Variants in TLE3 observed in about 807,000 individuals in gnomAD.
TLE3 encodes transducin-like enhancer protein 3.
A neutral mutation model predicts 93.0 loss-of-function variants in TLE3; 14 were observed. The ratio of observed to expected loss-of-function variants is 0.15; its 90% CI spans 0.10 to 0.24. The LOEUF (loss-of-function observed/expected upper bound fraction) is 0.24, where lower values mean the gene tolerates loss of function less well. Among genes scored for constraint, TLE3 ranks in the 10% least tolerant of loss-of-function variants. TLE3 has a pLI of 1.00. For missense variants in TLE3, 693 were observed against 1,046.6 expected, an observed-to-expected ratio of 0.66 and a Z score of 4.66; for synonymous variants, 451 against 425.0, an observed-to-expected ratio of 1.06 and a Z score of -0.75.
intron 1 of TLE3, chr15:70,096,551 G>C: frequency 1.4e-6 from 2 of 1,419,030 alleles, no homozygotes; most frequent in Non-Finnish European, 1.9e-6. Context: ...CGGGGACCGC[G>C]TGAACAGCTC....
chr15:70,077,019 A>T (rs930402228), intron 4 of TLE3, among the ~76,000 whole-genome samples: 1 of 152,178 alleles, frequency 6.6e-6, no homozygotes, highest in African/African-American at 2.4e-5. Flanking sequence ...TGCCCAGCCA[A>T]CACTTCATTT....
chr15:70,058,111 C>T lies in TLE3; in HGVS notation c.1051+48G>A, dbSNP rs368504717. 458 of 1,613,076 alleles carry T rather than the reference C, an allele frequency of 2.8e-4. No homozygotes were observed. The highest frequency in any genetic ancestry group is 3.5e-4 in the Non-Finnish European group (413 of 1,179,564). Reference sequence around the variant, plus strand: ...CCCTGCCCTGGCCAAGAGCAGACCCCCTCCCCCCAATCAGATTAACCCAGC... The same window carrying T: ...CCCTGCCCTGGCCAAGAGCAGACCCTCTCCCCCCAATCAGATTAACCCAGC... On this transcript the variant is annotated intron_variant, in intron 12 of 19. Transcript: ENST00000451782. This position sits in a 1 kb window ranked among gnomAD's most constrained non-coding sequence, Gnocchi z 4.1.
chr15:70,054,974 G>C, intron 15 of TLE3, 75 bp downstream of exon 15: 1 of 1,504,986 alleles, frequency 6.6e-7, no homozygotes, highest in Non-Finnish European at 8.9e-7. Context: ...AGGCCCTGGG[G>C]CTCTCCCCTG....
Position 70,052,495 on chromosome 15 carries a change from C to A in TLE3, c.2004G>T (p.Gly668=), listed in dbSNP as rs2055635880. ...QIFSLGYCPT[G]EWLAVGMESS... is the part of the protein sequence containing the mutation. ...TCTCCATGCCCACAGCCAGCCACTC[C>A]CCAGTGGGGCAGTAGCCCAGCGAGA... The change falls in exon 18 of 20, where the codon GGG becomes GGT. Residue 668 remains glycine (G), a synonymous_variant. Transcript: ENST00000451782. 2 of 1,613,762 alleles carry A rather than the reference C, an allele frequency of 1.2e-6. No individual in the cohort carries two copies. The highest frequency in any genetic ancestry group is 1.7e-6 in the Non-Finnish European group (2 of 1,179,890).
At position 70,049,949 on chromosome 15, in the gene TLE3, G is replaced by A. The variant is rs1008288355; in HGVS notation, c.*148C>T. ...GAGTCCAGACTGTGACGGGGCACGT[G>A]CCCTCTCAGCCGGCCGGAGCGCAGC... On this transcript the variant is annotated 3_prime_UTR_variant, in exon 20 of 20. Coordinates refer to ENST00000451782, the MANE Select transcript of TLE3 (RefSeq NM_001105192.3). 3 of 636,700 alleles carry A rather than the reference G, an allele frequency of 4.7e-6. No individual in the cohort carries two copies. Among genetic ancestry groups the A allele is most frequent in the Non-Finnish European group, 8.4e-6 (3 of 357,080 alleles). The allele number at this position is 636,700 out of a possible 1,614,324, so 39.4% of individuals were successfully genotyped here.
intron 6 of TLE3, among the ~76,000 whole-genome samples, chr15:70,068,836 C>A (rs752082549): frequency 5.3e-5 from 8 of 152,160 alleles, no homozygotes; most frequent in Non-Finnish European, 7.4e-5. Flanking sequence ...CTCTGAATGC[C>A]CTCCCACTTC....
intron 6 of TLE3, among the ~76,000 whole-genome samples, chr15:70,074,220 A>G (rs2057327411): frequency 6.6e-6 from 1 of 152,228 alleles, no homozygotes; most frequent in South Asian, 2.1e-4. Context: ...CTGGCCTTGA[A>G]GGTGACCCTA....
Position 70,053,379 on chromosome 15 carries a change from G to A in TLE3, c.1827-5C>T, listed in dbSNP as rs773151579. On this transcript the variant is annotated splice_polypyrimidine_tract_variant and splice_region_variant and intron_variant, in intron 16 of 19. Transcript: ENST00000451782. Reference sequence around the variant, plus strand: ...TCTGTGTGGCCCTGGAACTGCCTACGAAAGCCAAGCAGGGAGGAGGGTGAG... The same window carrying A: ...TCTGTGTGGCCCTGGAACTGCCTACAAAAGCCAAGCAGGGAGGAGGGTGAG... 1.4e-5 allele frequency: 22 copies of A among 1,595,952 alleles called. No individual in the cohort carries two copies. Among genetic ancestry groups the A allele is most frequent in the East Asian group, 9.0e-5 (4 of 44,398 alleles).
chr15:70,057,163 C>G (rs1339195100), intron 13 of TLE3, among the ~76,000 whole-genome samples: 1 of 152,220 alleles, frequency 6.6e-6, no homozygotes, highest in South Asian at 2.1e-4. Context: ...TTCCTACCCC[C>G]CAGAGCTGGG....
At chr15:70,056,140 C>T (rs2056000243) in intron 14 of TLE3, 158 bp downstream of exon 14, 1 of 796,246 alleles carries the variant, frequency 1.3e-6, no homozygotes. Context: ...GGGTTGCAAC[C>T]AGCCCTCGGT....
At position 70,096,522 on chromosome 15, in the gene TLE3, G is replaced by A. The variant is rs2058570654; in HGVS notation, c.24+253C>T. On this transcript the variant is annotated intron_variant, in intron 1 of 19. Coordinates refer to ENST00000451782, the MANE Select transcript of TLE3 (RefSeq NM_001105192.3). ...GGCGGGAGACAAGCCGGGTGAGTTG[G>A]GAGACTTCAGAGCGGGGCCGGGGAC... The A allele has an allele frequency of 9.3e-6, 12 of 1,290,686 alleles. 1 individual carries two copies. The highest frequency in any genetic ancestry group is 7.9e-5 in the South Asian group (6 of 76,302). The allele number at this position is 1,290,686 out of a possible 1,614,324, so 80.0% of individuals were successfully genotyped here. A position where few individuals can be genotyped will look rare whatever the true frequency, so the allele number is the denominator to read the frequency against.
At chr15:70,074,714 A>G in intron 5 of TLE3, 107 bp from the exon 6 acceptor site, 1 of 875,012 alleles carries the variant, frequency 1.1e-6, no homozygotes, top group Non-Finnish European at 1.7e-6. Flanking sequence ...GAGCAGACAG[A>G]GGAGTCCCAC....
At chr15:70,095,754 G>GA in intron 2 of TLE3, 113 bp from the exon 3 acceptor site, 1 of 1,326,342 alleles carries the variant, frequency 7.5e-7, no homozygotes, top group Non-Finnish European at 1.0e-6. Context: ...CCCCCCGGGG[G>GA]CGCCCCCATT....
intron 4 of TLE3, among the ~76,000 whole-genome samples, chr15:70,082,898 C>T (rs1035919214): frequency 5.3e-5 from 8 of 152,170 alleles, no homozygotes; most frequent in Admixed American, 2.0e-4. Context: ...GTTGGGACGA[C>T]CCTTCTGCAC....
At chr15:70,051,490 T>C in intron 18 of TLE3, 23 bp from the exon 19 acceptor site, 1 of 1,592,856 alleles carries the variant, frequency 6.3e-7, no homozygotes, top group South Asian at 1.1e-5. Context: ...GGCAAAGGCA[T>C]GATCAGGTTG....
At chr15:70,050,384 C>T (rs2055411621) in intron 19 of TLE3, 180 bp from the exon 20 acceptor site, 2 of 539,574 alleles carry the variant, frequency 3.7e-6, no homozygotes, top group Non-Finnish European at 6.7e-6. Context: ...GTGGGGGAGG[C>T]TTTAAAGCAC....
intron 14 of TLE3, chr15:70,055,538 C>G (rs2055944530): frequency 2.3e-6 from 1 of 440,750 alleles, no homozygotes; most frequent in Non-Finnish European, 3.9e-6. Flanking sequence ...CAAATCAGAC[C>G]AGAAACCCAC....
At chr15:70,089,504 A>G (rs919140160) in intron 4 of TLE3, among the ~76,000 whole-genome samples, 1 of 152,220 alleles carries the variant, frequency 6.6e-6, no homozygotes, top group Admixed American at 6.5e-5. Context: ...CCAGCCCACA[A>G]CTAAAATCCC....
At chr15:70,056,501 T>TGAGCA in intron 13 of TLE3, 127 bp from the exon 14 acceptor site, 1 of 829,716 alleles carries the variant, frequency 1.2e-6, no homozygotes, top group South Asian at 1.6e-5. Context: ...AGAGACAAGC[T>TGAGCA]GAGCAGAGCA....
Sources: gnomAD v4.1 joint callset for allele counts (sites outside exome capture counted in the v4.1 genomes callset) on GRCh38, gnomAD v4.1.1 for gene constraint, Gnocchi (gnomAD v3.1) non-coding constraint, MANE v1.5 for transcripts, NCBI Gene and HGNC (gene_info 2026-07-23, HGNC 2026-07-21) for gene names.